RFX1: variants seen among roughly 807,000 people sequenced by gnomAD.
RFX1 encodes MHC class II regulatory factor RFX1.
RFX1 carries 42 observed loss-of-function variants against 119.6 expected under a neutral mutation model. The observed-to-expected ratio is 0.35, with a 90% confidence interval of 0.27 to 0.45. The LOEUF (loss-of-function observed/expected upper bound fraction) is 0.45, where lower values mean the gene tolerates loss of function less well. Among genes scored for constraint, RFX1 ranks in the 20% least tolerant of loss-of-function variants. RFX1 has a pLI of 1.00. For synonymous variants in RFX1, 628 were observed against 618.5 expected (o/e 1.02, Z -0.23); for missense variants, 1,118 against 1,368.1 (o/e 0.82, Z 2.88).
intron 2 of RFX1, among the ~76,000 whole-genome samples, chr19:13,992,985 C>G (rs1974854370): frequency 6.6e-6 from 1 of 151,932 alleles, no homozygotes; most frequent in Non-Finnish European, 1.5e-5. Context: ...TACAAAAAAA[C>G]AAAAAAATTA....
In RFX1 at chr19:13,982,173, C is replaced by T. The variant is rs369848990; in HGVS notation, c.569G>A (p.Gly190Asp). Residue 190 changes from glycine to aspartate, a missense_variant, in exon 5 of 21, where the codon GGC becomes GAC. Gly to Asp is a moderately conservative substitution (Grantham distance 94). Around this residue, in one of 5 missense-constraint regions of RFX1, gnomAD observed 542 missense variants for 602.7 expected, o/e 0.90. Coordinates refer to ENST00000254325, the MANE Select transcript of RFX1 (RefSeq NM_002918.5). ...VQSAAPGSKG[G>D]QVSLTVHGTQ... ...ACCATGGACCGTCAGGGAGACCTGG[C>T]CACCTTTGCTGCCTGGGGCTGCGCT... The T allele has an allele frequency of 9.1e-6, 12 of 1,312,354 alleles. No individual in the cohort carries two copies. The highest frequency in any genetic ancestry group is 1.2e-5 in the Non-Finnish European group (12 of 1,021,606). 81.3% of individuals were successfully genotyped at this position (1,312,354 alleles called of 1,614,324 possible).
chr19:14,004,335 C>T (rs577463872), intron 1 of RFX1, among the ~76,000 whole-genome samples: 3 of 152,290 alleles, frequency 2.0e-5, no homozygotes, highest in African/African-American at 4.8e-5. Context: ...TGGTGAAACC[C>T]CGTCTCTACT....
chr19:13,997,376 CGGCTCCA>C (rs1185396848), intron 1 of RFX1, among the ~76,000 whole-genome samples: 26 of 152,206 alleles, frequency 1.7e-4, no homozygotes, highest in African/African-American at 6.3e-4. Flanking sequence ...AGAGCCCCTA[CGGCTCCA>C]TCTGTGAAAT....
rs1223590536 is a variant in RFX1, at chr19:13,983,182, A to G, written c.513+5T>C. 5 of 1,562,778 alleles carry G rather than the reference A, an allele frequency of 3.2e-6. No individual in the cohort carries two copies. The Admixed American group carries it at 9.3e-5, about 29-fold the overall frequency. ...CAGGGTGGTGGCCAGGTGCAGCAGC[A>G]TTACCTGCTGGGGCACTTGGATGTT... On this transcript the variant is annotated splice_donor_5th_base_variant and intron_variant, in intron 4 of 20. Coordinates refer to ENST00000254325, the MANE Select transcript of RFX1 (RefSeq NM_002918.5).
intron 2 of RFX1, among the ~76,000 whole-genome samples, chr19:13,987,534 G>A (rs1027286887): frequency 1.3e-5 from 2 of 152,104 alleles, no homozygotes; most frequent in African/African-American, 2.4e-5. Context: ...CTTCACTGGT[G>A]TCAGTTACTC....
Position 13,965,318 on chromosome 19 carries a change from A to G in RFX1, c.2211+131T>C. On this transcript the variant is annotated intron_variant, in intron 16 of 20. Transcript: ENST00000254325. This position sits in a 1 kb window ranked among gnomAD's most constrained non-coding sequence, Gnocchi z 4.7. The stretch of plus-strand genomic sequence containing the variant: ...CCCAGGGTGCTCCCCGAGGCGGAGA[A>G]GGTCTCCCCTTCCTCCACAGGCATC... The G allele has an allele frequency of 1.2e-6, 1 of 802,326 alleles. No homozygotes were observed. Among genetic ancestry groups the G allele is most frequent in the Non-Finnish European group, 2.1e-6 (1 of 484,470 alleles). The allele number at this position is 802,326 out of a possible 1,614,324, so 49.7% of individuals were successfully genotyped here.
At chr19:13,987,176 G>A (rs1003011620) in intron 2 of RFX1, among the ~76,000 whole-genome samples, 4 of 152,148 alleles carry the variant, frequency 2.6e-5, no homozygotes, top group African/African-American at 9.7e-5. Flanking sequence ...AGGCCGGCTC[G>A]GTTTCACCTT....
rs1040392095 is a variant in RFX1, at chr19:13,989,415, G to C, written c.319+4110C>G. Among the ~76,000 whole-genome samples, 11 of 152,158 alleles carry C rather than the reference G, an allele frequency of 7.2e-5. No individual in the cohort carries two copies. In the East Asian group the frequency reaches 2.1e-3, roughly 29 times the overall value. On this transcript the variant is annotated intron_variant, in intron 2 of 20. Transcript: ENST00000254325. ...GACGGAGTTTCACTCTTGTTGCCCA[G>C]GCTGGAGTGCAATGGTGCAGTCTTG...
chr19:13,978,868 T>G (rs1974340004), intron 7 of RFX1, among the ~76,000 whole-genome samples: 1 of 152,086 alleles, frequency 6.6e-6, no homozygotes, highest in Admixed American at 6.5e-5. Flanking sequence ...GACCACTTTC[T>G]GCTGCGGCAG....
chr19:13,974,664 C>T (rs1034799084), intron 8 of RFX1, among the ~76,000 whole-genome samples: 3 of 152,156 alleles, frequency 2.0e-5, no homozygotes, highest in Non-Finnish European at 4.4e-5. Context: ...TCGAGGGGGA[C>T]AGGCAGGGGG....
intron 8 of RFX1, among the ~76,000 whole-genome samples, chr19:13,975,795 G>T (rs1012858798): frequency 1.6e-4 from 25 of 152,374 alleles, no homozygotes; most frequent in Non-Finnish European, 3.2e-4. Context: ...GAGGCCCAGG[G>T]GCTGTGGCTT....
At position 13,962,980 on chromosome 19, in the gene RFX1, C is replaced by A; in HGVS notation, c.2770+14G>T. 2 of 1,550,086 alleles carry A rather than the reference C, an allele frequency of 1.3e-6. No individual in the cohort carries two copies. The highest frequency in any genetic ancestry group is 8.7e-7 in the Non-Finnish European group (1 of 1,146,396). ...CCGGGACCCGCGCCCTGGGTGGGAA[C>A]ACGCCTCGCCTACCTTTGTCGGGGT... On this transcript the variant is annotated intron_variant, in intron 20 of 20. Transcript: ENST00000254325.
Position 13,966,904 on chromosome 19 carries a change from C to T in RFX1, c.1733-153G>A, listed in dbSNP as rs1003574769. Among the ~76,000 whole-genome samples the T allele has an allele frequency of 1.3e-5, 2 of 152,182 alleles. No individual in the cohort carries two copies. The highest frequency in any genetic ancestry group is 2.4e-5 in the African/African-American group (1 of 41,450). On this transcript the variant is annotated intron_variant, in intron 12 of 20. Coordinates refer to ENST00000254325, the MANE Select transcript of RFX1 (RefSeq NM_002918.5). This position sits in a 1 kb window ranked among gnomAD's most constrained non-coding sequence, Gnocchi z 6.3. Reference sequence around the variant, plus strand: ...GTGAGCGCCTGGCCCGGGCCCAGGACGGGCCCAGGAGTGAGGGCCCACACT... The same window carrying T: ...GTGAGCGCCTGGCCCGGGCCCAGGATGGGCCCAGGAGTGAGGGCCCACACT...
chr19:13,972,604 C>T, intron 9 of RFX1, 139 bp downstream of exon 9: 2 of 642,752 alleles, frequency 3.1e-6, no homozygotes, highest in Admixed American at 6.0e-5. Flanking sequence ...AATCCCAGGA[C>T]ATCTGCATAT....
Position 13,962,817 on chromosome 19 carries a change from C to G in RFX1, c.2818G>C (p.Asp940His), listed in dbSNP as rs984452483. The change falls in exon 21 of 21, where the codon GAC (aspartate) becomes CAC (histidine). Residue 940 changes from aspartate to histidine, a missense_variant. Around this residue, in one of 5 missense-constraint regions of RFX1, gnomAD observed 138 missense variants for 117.8 expected, o/e 1.17. Transcript: ENST00000254325. ...TCGCCGCCAGCCGCCAGTGAGATGT[C>G]CTGCGGCAGCTCGTCCTCGCTCTCC... ...EEESEDELPQ[D>H]ISLAAGGESP... The G allele has an allele frequency of 6.5e-7, 1 of 1,529,758 alleles. No homozygotes were observed. The highest frequency in any genetic ancestry group is 1.2e-5 in the South Asian group (1 of 83,008). 94.8% of individuals were successfully genotyped at this position (1,529,758 alleles called of 1,614,324 possible). A position where few individuals can be genotyped will look rare whatever the true frequency, so the allele number is the denominator to read the frequency against.
chr19:13,971,845 T>C (rs1391367428), intron 9 of RFX1, among the ~76,000 whole-genome samples: 1 of 151,994 alleles, frequency 6.6e-6, no homozygotes, highest in African/African-American at 2.4e-5. Flanking sequence ...CCGTCTCTAC[T>C]AAAAATACAA....
chr19:13,964,982 T>G (rs1202594045), intron 16 of RFX1, among the ~76,000 whole-genome samples: 1 of 152,122 alleles, frequency 6.6e-6, no homozygotes, highest in African/African-American at 2.4e-5. Flanking sequence ...CCAGCGGTGG[T>G]TTTTTTGTTT....
chr19:13,993,926 AAAAAC>A (rs896874578), intron 1 of RFX1, 31 bp from the exon 2 acceptor site: 53 of 1,158,632 alleles, frequency 4.6e-5, no homozygotes, highest in Admixed American at 5.1e-5. Context: ...TGGGGGAGAG[AAAAAC>A]AAAACAAAAC....
chr19:13,977,795 C>A (rs1974294100), intron 8 of RFX1, among the ~76,000 whole-genome samples, 197 bp downstream of exon 8: 1 of 152,022 alleles, frequency 6.6e-6, no homozygotes, highest in African/African-American at 2.4e-5. Flanking sequence ...CTTTCCCAAC[C>A]TTCAAGGGTC....
Sources: allele counts gnomAD v4.1 joint callset (sites outside exome capture counted in the v4.1 genomes callset), GRCh38; gene constraint gnomAD v4.1.1; regional missense constraint gnomAD v4.1.1; non-coding constraint Gnocchi (gnomAD v3.1); transcripts MANE v1.5; gene names NCBI Gene and HGNC (gene_info 2026-07-23, HGNC 2026-07-21).